The following GPC5 variants were observed in gnomAD, a reference collection of about 807,000 sequenced individuals.
The protein encoded by GPC5 is glypican-5.
GPC5 carries 47 observed loss-of-function variants against 53.9 expected under a neutral mutation model. The ratio of observed to expected loss-of-function variants is 0.87; its 90% confidence interval spans 0.69 to 1.11. GPC5 has a LOEUF of 1.11. GPC5 is among the 50% of genes most tolerant of loss of function. The pLI, the probability that GPC5 is intolerant of heterozygous loss-of-function variation, is 0.00. For missense variants in GPC5, 748 were observed against 713.1 expected, an observed-to-expected ratio of 1.05 and a Z score of -0.56; for synonymous variants, 286 against 263.3, an observed-to-expected ratio of 1.09 and a Z score of -0.84.
chr13:92,458,746 T>C (rs1878371171), intron 7 of GPC5, among the ~76,000 whole-genome samples: 1 of 152,088 alleles, frequency 6.6e-6, no homozygotes, highest in African/African-American at 2.4e-5. Flanking sequence ...TTTCTTAATA[T>C]ATGGGCTACA....
intron 2 of GPC5, among the ~76,000 whole-genome samples, chr13:91,545,806 C>T (rs1023699569): frequency 2.6e-5 from 4 of 151,954 alleles, no homozygotes; most frequent in African/African-American, 9.7e-5. Context: ...ATTTGTCTTG[C>T]TGTTATTGCT....
At chr13:91,453,913 A>T (rs1881363371) in intron 2 of GPC5, among the ~76,000 whole-genome samples, 1 of 152,062 alleles carries the variant, frequency 6.6e-6, no homozygotes, top group Non-Finnish European at 1.5e-5. Context: ...TAAATCCATT[A>T]TACTTTTACT....
In GPC5 at chr13:91,901,914, C is replaced by G. The variant is rs150456912; in HGVS notation, c.1281-6023C>G. On this transcript the variant is annotated intron_variant, in intron 5 of 7. Coordinates refer to ENST00000377067, the MANE Select transcript of GPC5 (RefSeq NM_004466.6). Reference sequence around the variant, plus strand: ...ACCAATCAAACAACAACAAGAATAACAACCACAACATGGCCCCCATTCTCT... The same window carrying G: ...ACCAATCAAACAACAACAAGAATAAGAACCACAACATGGCCCCCATTCTCT... Among the ~76,000 whole-genome samples the G allele has an allele frequency of 2.9e-3, 446 of 152,026 alleles. 5 individuals are homozygous for G. Among genetic ancestry groups the G allele is most frequent in the African/African-American group, 9.6e-3 (398 of 41,518 alleles).
At chr13:92,444,604 G>C (rs1288342449) in intron 7 of GPC5, among the ~76,000 whole-genome samples, 1 of 150,582 alleles carries the variant, frequency 6.6e-6, no homozygotes, top group Non-Finnish European at 1.5e-5. Flanking sequence ...CAGATAGAAT[G>C]CTTAATTGTG....
chr13:92,277,942 T>A (rs1440173030), intron 7 of GPC5, among the ~76,000 whole-genome samples: 1 of 151,862 alleles, frequency 6.6e-6, no homozygotes, highest in Non-Finnish European at 1.5e-5. Context: ...GTCTCTATAT[T>A]CTATTTGATT....
At chr13:92,446,154 C>T (rs1877816329) in intron 7 of GPC5, among the ~76,000 whole-genome samples, 1 of 151,740 alleles carries the variant, frequency 6.6e-6, no homozygotes, top group Admixed American at 6.6e-5. Context: ...ACTATAGTCA[C>T]TTTGTGCTAT....
intron 7 of GPC5, among the ~76,000 whole-genome samples, chr13:92,403,528 A>G (rs1875653870): frequency 6.6e-6 from 1 of 152,186 alleles, no homozygotes; most frequent in Non-Finnish European, 1.5e-5. Flanking sequence ...TCTAGGCTGC[A>G]TGTTCCTTAT....
intron 2 of GPC5, among the ~76,000 whole-genome samples, chr13:91,577,473 T>C (rs1217304503): frequency 1.3e-5 from 2 of 152,168 alleles, no homozygotes; most frequent in African/African-American, 4.8e-5. Flanking sequence ...CTGTGGACTT[T>C]GTCTTTGGTG....
At chr13:92,219,099 T>C (rs935024657) in intron 7 of GPC5, among the ~76,000 whole-genome samples, 1 of 152,136 alleles carries the variant, frequency 6.6e-6, no homozygotes, top group Non-Finnish European at 1.5e-5. Flanking sequence ...TCCTGTTTTC[T>C]CCCATTGTGT....
chr13:92,210,159 CA>C (rs1435516189), intron 7 of GPC5, among the ~76,000 whole-genome samples: 1 of 152,126 alleles, frequency 6.6e-6, no homozygotes, highest in African/African-American at 2.4e-5. Context: ...CAATACTTTG[CA>C]TCCTTCAATC....
chr13:91,979,659 T>A (rs2040339791), intron 6 of GPC5, among the ~76,000 whole-genome samples: 1 of 152,192 alleles, frequency 6.6e-6, no homozygotes, highest in Non-Finnish European at 1.5e-5. Flanking sequence ...TCAGACATGA[T>A]CATATTCCTG....
At chr13:92,636,344 A>G (rs1338801785) in intron 7 of GPC5, among the ~76,000 whole-genome samples, 2 of 152,186 alleles carry the variant, frequency 1.3e-5, no homozygotes, top group African/African-American at 2.4e-5. Flanking sequence ...TCATCTTGCA[A>G]TACATCAGTA....
intron 2 of GPC5, among the ~76,000 whole-genome samples, chr13:91,538,361 A>C (rs1264400050): frequency 6.6e-6 from 1 of 152,202 alleles, no homozygotes; most frequent in Non-Finnish European, 1.5e-5. Flanking sequence ...ATTGCAAAAC[A>C]TGTAGTTGTA....
chr13:92,046,519 C>T lies in GPC5; in HGVS notation c.1402-98311C>T, dbSNP rs1358938816. 2.0e-5 allele frequency among the ~76,000 whole-genome samples: 3 copies of T among 152,134 alleles called. No individual in the cohort carries two copies. In the East Asian group the frequency reaches 5.8e-4, roughly 29 times the overall value. On this transcript the variant is annotated intron_variant, in intron 6 of 7. Transcript: ENST00000377067. ...AAGAAGATTATTCCACCAAAGGAAA[C>T]AAATGTTCTTGTTTCTAGTTGGGTC...
At chr13:92,231,370 C>T (rs1249830848) in intron 7 of GPC5, among the ~76,000 whole-genome samples, 1 of 152,100 alleles carries the variant, frequency 6.6e-6, no homozygotes, top group Non-Finnish European at 1.5e-5. Context: ...ATCATTTATA[C>T]GGCCATTCAG....
intron 7 of GPC5, among the ~76,000 whole-genome samples, chr13:92,691,901 G>T (rs1887412452): frequency 6.6e-6 from 1 of 151,794 alleles, no homozygotes; most frequent in African/African-American, 2.4e-5. Context: ...TAGATTTAGT[G>T]GGTACATATA....
intron 2 of GPC5, among the ~76,000 whole-genome samples, chr13:91,638,942 A>C (rs2034351824): frequency 6.6e-6 from 1 of 152,174 alleles, no homozygotes; most frequent in Admixed American, 6.5e-5. Context: ...TTCTTACTTG[A>C]AAAATACAAA....
intron 7 of GPC5, among the ~76,000 whole-genome samples, chr13:92,611,080 A>G (rs964560676): frequency 6.6e-6 from 1 of 151,614 alleles, no homozygotes; most frequent in East Asian, 1.9e-4. Context: ...GTTCAGATAT[A>G]TAAGAGATAT....
At chr13:92,736,691 T>A (rs1472324513) in intron 7 of GPC5, among the ~76,000 whole-genome samples, 2 of 151,930 alleles carry the variant, frequency 1.3e-5, no homozygotes, top group Non-Finnish European at 2.9e-5. Flanking sequence ...CCACAATCTT[T>A]TTATTTATCT....
Sources: gnomAD v4.1 joint callset for allele counts (sites outside exome capture counted in the v4.1 genomes callset) on GRCh38, gnomAD v4.1.1 for gene constraint, MANE v1.5 for transcripts, NCBI Gene and HGNC (gene_info 2026-07-23, HGNC 2026-07-21) for gene names.